TBC1D9B: variants seen among roughly 807,000 people sequenced by gnomAD.
TBC1D9B encodes TBC1 domain family, member 9B (with GRAM domain).
In TBC1D9B, 87 loss-of-function variants were observed where a neutral mutation model predicts 121.1. The observed-to-expected ratio is 0.72, with a 90% CI of 0.60 to 0.86. The LOEUF (loss-of-function observed/expected upper bound fraction) is 0.86, where lower values mean the gene tolerates loss of function less well. Ranked by LOEUF, TBC1D9B falls within the 40% of genes least tolerant of loss-of-function variation. The pLI, the probability that TBC1D9B is intolerant of heterozygous loss-of-function variation, is 0.00. For synonymous variants in TBC1D9B, 668 were observed against 670.1 expected (o/e 1.00, Z 0.05); for missense variants, 1,540 against 1,628.6 (o/e 0.95, Z 0.94).
intron 7 of TBC1D9B, chr5:179,880,068 C>T (rs1760495637): frequency 3.8e-6 from 2 of 521,650 alleles, no homozygotes; most frequent in Admixed American, 3.6e-5. Context: ...CCCTGTGGGG[C>T]CCTTTTCTGA....
rs1432715011 is a variant in TBC1D9B, at chr5:179,907,108, G to C, written c.118+596C>G. Reference sequence around the variant, plus strand: ...CTTGGCGAGCTTGCAGGAACACCCTGTGCCGCTACCCACAGCCTTGGGTGC... The same window carrying C: ...CTTGGCGAGCTTGCAGGAACACCCTCTGCCGCTACCCACAGCCTTGGGTGC... On this transcript the variant is annotated intron_variant, in intron 1 of 20. Coordinates refer to ENST00000355235, the MANE Select transcript of TBC1D9B (RefSeq NM_015043.4). The surrounding 1 kb of genome is among the most constrained non-coding windows in gnomAD (Gnocchi z 5.3). Among the ~76,000 whole-genome samples, 1 of 152,198 alleles carries C rather than the reference G, an allele frequency of 6.6e-6. No individual in the cohort carries two copies. Among genetic ancestry groups the C allele is most frequent in the Non-Finnish European group, 1.5e-5 (1 of 68,036 alleles).
At position 179,874,087 on chromosome 5, in the gene TBC1D9B, G is replaced by C. The variant is rs1443539682; in HGVS notation, c.2186+815C>G. Among the ~76,000 whole-genome samples the C allele has an allele frequency of 6.6e-6, 1 of 152,176 alleles. No homozygotes were observed. The highest frequency in any genetic ancestry group is 2.4e-5 in the African/African-American group (1 of 41,456). On this transcript the variant is annotated intron_variant, in intron 12 of 20. Transcript: ENST00000355235. This position sits in a 1 kb window ranked among gnomAD's most constrained non-coding sequence, Gnocchi z 4.3. ...GTCCCAGGCTGTTCCTGGGGGCTGG[G>C]GGCATTCCAGTCCGGACAAATACGC... is the stretch of plus-strand genomic sequence containing the variant.
chr5:179,862,748 TTTCAGG>T lies in TBC1D9B; in HGVS notation c.*694_*699del. The T allele has an allele frequency of 5.4e-6, 2 of 371,790 alleles. No individual in the cohort carries two copies. The highest frequency in any genetic ancestry group is 1.1e-5 in the Non-Finnish European group (2 of 178,188). The allele number at this position is 371,790 out of a possible 1,614,324, so 23.0% of individuals were successfully genotyped here. ...CATTGCACACAGTGGTTTTTATTTC[TTTCAGG>T]GATTTATTAAGGCATTGAGCACAGT... is the stretch of plus-strand genomic sequence containing the variant. On this transcript the variant is annotated 3_prime_UTR_variant, in exon 21 of 21. Coordinates refer to ENST00000355235, the MANE Select transcript of TBC1D9B (RefSeq NM_015043.4).
chr5:179,891,673 C>T lies in TBC1D9B; in HGVS notation c.837-87G>A. On this transcript the variant is annotated intron_variant, in intron 5 of 20. Coordinates refer to ENST00000355235, the MANE Select transcript of TBC1D9B (RefSeq NM_015043.4). This position sits in a 1 kb window ranked among gnomAD's most constrained non-coding sequence, Gnocchi z 4.3. ...AAGGAAGCCTTGGGGCCTCCCCAGG[C>T]CTGTTTCCACATCAGATTCAGGATC... The T allele has an allele frequency of 6.9e-7, 1 of 1,449,026 alleles. No homozygotes were observed. The highest frequency in any genetic ancestry group is 1.8e-5 in the Admixed American group (1 of 55,604). The allele number at this position is 1,449,026 out of a possible 1,614,324, so 89.8% of individuals were successfully genotyped here.
At chr5:179,903,112 G>A (rs1034371574) in intron 2 of TBC1D9B, among the ~76,000 whole-genome samples, 2 of 152,184 alleles carry the variant, frequency 1.3e-5, no homozygotes, top group African/African-American at 4.8e-5. Flanking sequence ...GCCTTCAAGG[G>A]AAACCACTAC....
At position 179,867,829 on chromosome 5, in the gene TBC1D9B, C is replaced by T. The variant is rs372426915; in HGVS notation, c.2812G>A (p.Glu938Lys). 18 of 1,526,172 alleles carry T rather than the reference C, an allele frequency of 1.2e-5. No individual in the cohort carries two copies. The highest frequency in any genetic ancestry group is 7.7e-5 in the South Asian group (6 of 77,864). The allele number at this position is 1,526,172 out of a possible 1,614,324, so 94.5% of individuals were successfully genotyped here. A position where few individuals can be genotyped will look rare whatever the true frequency, so the allele number is the denominator to read the frequency against. ...LPPALSPEEA[E>K]SALEAAHYFT... is the part of the protein sequence containing the mutation. ...TAATGGGCCGCCTCCAGGGCTGACT[C>T]GGCTTCCTCTGGGCTCAGAGCTGTG... Residue 938 changes from glutamate to lysine, a missense_variant, in exon 18 of 21, where the codon GAG (glutamate) becomes AAG (lysine). Transcript: ENST00000355235.
At chr5:179,886,265 C>T (rs983289786) in intron 7 of TBC1D9B, among the ~76,000 whole-genome samples, 2 of 152,192 alleles carry the variant, frequency 1.3e-5, no homozygotes, top group African/African-American at 4.8e-5. Context: ...TCTAAGTGAA[C>T]AGGCACTCTG....
At chr5:179,888,425 G>T in intron 6 of TBC1D9B, 113 bp from the exon 7 acceptor site, 1 of 1,067,774 alleles carries the variant, frequency 9.4e-7, no homozygotes, top group Non-Finnish European at 1.4e-6. Context: ...ACAATGCAGT[G>T]AGTGGCCCAA....
Position 179,875,096 on chromosome 5 carries a change from G to A in TBC1D9B, c.1992C>T (p.Ser664=). ...SEKMQDLGVI[S]SISLSWFLTL... The stretch of plus-strand genomic sequence containing the variant: ...TCAGGAACCAGGACAGCGAGATGCT[G>A]GAGATCACCCCCAGGTCCTGCATCT... The change falls in exon 12 of 21, where the codon TCC becomes TCT. Residue 664 remains serine, a synonymous_variant. Coordinates refer to ENST00000355235, the MANE Select transcript of TBC1D9B (RefSeq NM_015043.4). The surrounding 1 kb of genome is among the most constrained non-coding windows in gnomAD (Gnocchi z 4.5). The A allele has an allele frequency of 6.2e-7, 1 of 1,614,056 alleles. No homozygotes were observed. The highest frequency in any genetic ancestry group is 2.2e-5 in the East Asian group (1 of 44,886).
At position 179,879,224 on chromosome 5, in the gene TBC1D9B, T is replaced by C. The variant is rs749611820; in HGVS notation, c.1417-27A>G. On this transcript the variant is annotated intron_variant, in intron 8 of 20. Transcript: ENST00000355235. The stretch of plus-strand genomic sequence containing the variant: ...TGAGGGAAAAGCGCATCAGGGAGCC[T>C]GGGGGCCGAAGCGCATCTGAGTGCC... The C allele has an allele frequency of 5.7e-6, 9 of 1,589,924 alleles. No homozygotes were observed. In the South Asian group the frequency reaches 7.8e-5, roughly 14 times the overall value.
intron 7 of TBC1D9B, among the ~76,000 whole-genome samples, chr5:179,886,262 G>A (rs1760681380): frequency 6.6e-6 from 1 of 152,178 alleles, no homozygotes; most frequent in Non-Finnish European, 1.5e-5. Flanking sequence ...AGCTCTAAGT[G>A]AACAGGCACT....
At chr5:179,871,592 C>T in intron 14 of TBC1D9B, 62 bp from the exon 15 acceptor site, 1 of 1,553,990 alleles carries the variant, frequency 6.4e-7, no homozygotes, top group East Asian at 2.3e-5. Flanking sequence ...AGAAGTACGG[C>T]ACTCTGTGAG....
Position 179,879,799 on chromosome 5 carries a change from A to G in TBC1D9B, c.1255-10T>C. The G allele has an allele frequency of 6.2e-7, 1 of 1,604,448 alleles. No individual in the cohort carries two copies. Among genetic ancestry groups the G allele is most frequent in the Non-Finnish European group, 8.5e-7 (1 of 1,175,440 alleles). ...GAGGAGCTGGGGAAGACTAGAAAAT[A>G]AAACAGGGAAGGGGACGCCCTAACA... On this transcript the variant is annotated splice_polypyrimidine_tract_variant and intron_variant, in intron 7 of 20. Coordinates refer to ENST00000355235, the MANE Select transcript of TBC1D9B (RefSeq NM_015043.4).
chr5:179,901,238 T>A (rs969817427), intron 2 of TBC1D9B, among the ~76,000 whole-genome samples: 4 of 151,094 alleles, frequency 2.6e-5, no homozygotes, highest in African/African-American at 7.4e-5. Flanking sequence ...CACTTTAAAC[T>A]TTTTTTTTCA....
rs1370957024 is a variant in TBC1D9B, at chr5:179,885,976, G to C, written c.1254+2127C>G. ...TCCTAAGCCCTGGTCCCAGAAGCCCGTGCCACATCCAATCCTGTCTCCCAG... is the reference window on the plus strand; with the variant it reads ...TCCTAAGCCCTGGTCCCAGAAGCCCCTGCCACATCCAATCCTGTCTCCCAG... On this transcript the variant is annotated intron_variant, in intron 7 of 20. Coordinates refer to ENST00000355235, the MANE Select transcript of TBC1D9B (RefSeq NM_015043.4). This position sits in a 1 kb window ranked among gnomAD's most constrained non-coding sequence, Gnocchi z 4.5. Among the ~76,000 whole-genome samples the C allele has an allele frequency of 6.6e-6, 1 of 152,146 alleles. No individual in the cohort carries two copies. The highest frequency in any genetic ancestry group is 2.4e-5 in the African/African-American group (1 of 41,430).
rs1760423872 is a variant in TBC1D9B at position 179,878,397 on chromosome 5, G to C, written c.1694C>G (p.Pro565Arg). Residue 565 changes from proline to arginine, a missense_variant, in exon 10 of 21, where the codon CCT becomes CGT. Transcript: ENST00000355235. Reference sequence around the variant, plus strand: ...AATCCCCAGCTCGTTCTGGAAGGCAGGGTGCTCGGGCATGGAGCGGTGCAG... The same window carrying C: ...AATCCCCAGCTCGTTCTGGAAGGCACGGTGCTCGGGCATGGAGCGGTGCAG... ...RDLHRSMPEH[P>R]AFQNELGIAA... The C allele has an allele frequency of 6.2e-7, 1 of 1,613,830 alleles. No individual in the cohort carries two copies. Among genetic ancestry groups the C allele is most frequent in the Non-Finnish European group, 8.5e-7 (1 of 1,179,936 alleles).
intron 20 of TBC1D9B, 79 bp from the exon 21 acceptor site, chr5:179,864,207 C>T (rs1351021304): frequency 7.2e-6 from 10 of 1,380,864 alleles, no homozygotes. Context: ...AAACTGATGA[C>T]AAGCACCAGC....
chr5:179,886,974 GT>G (rs1470299790), intron 7 of TBC1D9B, among the ~76,000 whole-genome samples: 1 of 152,182 alleles, frequency 6.6e-6, no homozygotes, highest in African/African-American at 2.4e-5. Flanking sequence ...CACACATCAA[GT>G]TGCTTAAATC....
intron 1 of TBC1D9B, among the ~76,000 whole-genome samples, chr5:179,906,826 C>A (rs555861875): frequency 4.7e-4 from 71 of 152,372 alleles, no homozygotes; most frequent in African/African-American, 1.7e-3. Flanking sequence ...TCTTGATAAA[C>A]TGGACGACCT....
Sources: allele counts gnomAD v4.1 joint callset (sites outside exome capture counted in the v4.1 genomes callset), GRCh38; gene constraint gnomAD v4.1.1; non-coding constraint Gnocchi (gnomAD v3.1); transcripts MANE v1.5; gene names NCBI Gene and HGNC (gene_info 2026-07-23, HGNC 2026-07-21).